Variants in ZNF385B observed in about 807,000 individuals in gnomAD.
ZNF385B encodes zinc finger protein 533.
ZNF385B carries 23 observed loss-of-function variants against 39.2 expected under a neutral mutation model. The observed-to-expected ratio is 0.59, with a 90% CI of 0.42 to 0.83. The LOEUF (loss-of-function observed/expected upper bound fraction) is 0.83, where lower values mean the gene tolerates loss of function less well. Among genes scored for constraint, ZNF385B ranks in the 40% least tolerant of loss-of-function variants. The probability of loss-of-function intolerance (pLI) is 0.00; values close to 1 mark genes in which losing one functional copy is unlikely to be tolerated. For synonymous variants in ZNF385B, 205 were observed against 222.6 expected (o/e 0.92, Z 0.70); for missense variants, 552 against 598.9 (o/e 0.92, Z 0.82).
chr2:179,783,372 A>T (rs1165747319), intron 1 of ZNF385B, among the ~76,000 whole-genome samples: 1 of 152,182 alleles, frequency 6.6e-6, no homozygotes, highest in Non-Finnish European at 1.5e-5. Context: ...CAAAGACTAT[A>T]AAAACCCTGG....
intron 1 of ZNF385B, among the ~76,000 whole-genome samples, chr2:179,842,800 C>T (rs912708021): frequency 6.6e-6 from 1 of 152,116 alleles, no homozygotes; most frequent in African/African-American, 2.4e-5. Flanking sequence ...ATTTCATCTG[C>T]TTAAAATATT....
intron 3 of ZNF385B, among the ~76,000 whole-genome samples, chr2:179,756,666 CTTTG>C (rs1466960961): frequency 6.7e-6 from 1 of 148,506 alleles, no homozygotes; most frequent in Non-Finnish European, 1.5e-5. Context: ...ACCTTCGAGG[CTTTG>C]TTTGTTTCTT....
intron 1 of ZNF385B, among the ~76,000 whole-genome samples, chr2:179,815,264 T>C (rs1014253653): frequency 6.6e-6 from 1 of 152,170 alleles, no homozygotes; most frequent in African/African-American, 2.4e-5. Context: ...ACATCTTTCA[T>C]TTGATACCTG....
intron 3 of ZNF385B, among the ~76,000 whole-genome samples, chr2:179,735,185 G>C (rs1256896906): frequency 6.6e-6 from 1 of 151,274 alleles, no homozygotes; most frequent in East Asian, 1.9e-4. Flanking sequence ...AAATTTACAA[G>C]AAAAAAACAA....
At chr2:179,493,789 G>GTATATGCATATATA (rs1553572807) in intron 5 of ZNF385B, among the ~76,000 whole-genome samples, 4 of 113,266 alleles carry the variant, frequency 3.5e-5, no homozygotes, top group East Asian at 2.1e-4. Context: ...ATACACATAT[G>GTATATGCATATATA]TATACATATA....
At chr2:179,648,353 G>C (rs1462039292) in intron 3 of ZNF385B, among the ~76,000 whole-genome samples, 1 of 152,108 alleles carries the variant, frequency 6.6e-6, no homozygotes, top group Non-Finnish European at 1.5e-5. Context: ...CTCAATCTTG[G>C]AGAAGTTATA....
At chr2:179,490,586 G>C (rs1307113922) in intron 5 of ZNF385B, among the ~76,000 whole-genome samples, 1 of 151,178 alleles carries the variant, frequency 6.6e-6, no homozygotes, top group African/African-American at 2.4e-5. Context: ...GAAAGGTGCT[G>C]CAGTTTGAGT....
At chr2:179,846,196 T>C (rs1708791738) in intron 1 of ZNF385B, among the ~76,000 whole-genome samples, 1 of 152,242 alleles carries the variant, frequency 6.6e-6, no homozygotes. Context: ...ATAAAACATC[T>C]GTAAAGGCTA....
At chr2:179,719,951 A>G (rs1490973936) in intron 3 of ZNF385B, among the ~76,000 whole-genome samples, 3 of 152,218 alleles carry the variant, frequency 2.0e-5, no homozygotes, top group African/African-American at 7.2e-5. Flanking sequence ...TTTCTTCAAC[A>G]GATTTTCATA....
intron 6 of ZNF385B, among the ~76,000 whole-genome samples, chr2:179,479,942 G>A (rs569500608): frequency 6.6e-6 from 1 of 152,270 alleles, no homozygotes; most frequent in East Asian, 1.9e-4. Context: ...CCAGAATGCT[G>A]CTCTCCCAGA....
At chr2:179,622,628 C>T (rs1056807719) in intron 3 of ZNF385B, among the ~76,000 whole-genome samples, 6 of 152,238 alleles carry the variant, frequency 3.9e-5, no homozygotes, top group South Asian at 2.1e-4. Flanking sequence ...ATTTCCAGAA[C>T]CTTGTGTTAT....
At chr2:179,707,292 T>G (rs1181486105) in intron 3 of ZNF385B, among the ~76,000 whole-genome samples, 1 of 152,166 alleles carries the variant, frequency 6.6e-6, no homozygotes, top group East Asian at 1.9e-4. Flanking sequence ...AGTATTATAC[T>G]CTCCAGACTC....
chr2:179,471,482 T>C (rs1430089539), intron 6 of ZNF385B, among the ~76,000 whole-genome samples: 1 of 152,160 alleles, frequency 6.6e-6, no homozygotes, highest in African/African-American at 2.4e-5. Context: ...AATGGAAATT[T>C]AGCACTTTCT....
intron 3 of ZNF385B, among the ~76,000 whole-genome samples, chr2:179,661,542 C>G (rs1273597834): frequency 6.6e-6 from 1 of 152,022 alleles, no homozygotes; most frequent in Non-Finnish European, 1.5e-5. Context: ...TCTGGAGAAC[C>G]CTGTCTAATA....
chr2:179,466,939 A>AG (rs1281349483), intron 6 of ZNF385B, among the ~76,000 whole-genome samples: 10 of 148,818 alleles, frequency 6.7e-5, no homozygotes, highest in African/African-American at 2.2e-4. Context: ...AAAAAAAAAA[A>AG]AAAAAGAGAG....
chr2:179,795,309 T>C (rs1004728946), intron 1 of ZNF385B, among the ~76,000 whole-genome samples: 2 of 151,874 alleles, frequency 1.3e-5, no homozygotes, highest in Admixed American at 1.3e-4. Flanking sequence ...AAAGTTAGAG[T>C]TATAGAAAGG....
At chr2:179,705,312 C>T (rs544242288) in intron 3 of ZNF385B, among the ~76,000 whole-genome samples, 9 of 152,306 alleles carry the variant, frequency 5.9e-5, no homozygotes, top group African/African-American at 1.2e-4. Context: ...TCTGTAAACA[C>T]AGTTTATGTT....
chr2:179,804,987 T>C (rs1471849812), intron 1 of ZNF385B, among the ~76,000 whole-genome samples: 1 of 152,184 alleles, frequency 6.6e-6, no homozygotes, highest in African/African-American at 2.4e-5. Flanking sequence ...AATATACTCA[T>C]GACACTCTTC....
chr2:179,726,185 G>A (rs1242025007), intron 3 of ZNF385B, among the ~76,000 whole-genome samples: 1 of 151,758 alleles, frequency 6.6e-6, no homozygotes, highest in Non-Finnish European at 1.5e-5. Flanking sequence ...AGTGTGGTAG[G>A]TTCACCTTTG....
Sources: gnomAD v4.1 joint callset for allele counts (sites outside exome capture counted in the v4.1 genomes callset) on GRCh38, gnomAD v4.1.1 for gene constraint, MANE v1.5 for transcripts, NCBI Gene and HGNC (gene_info 2026-07-23, HGNC 2026-07-21) for gene names.